ASB4: variants seen among roughly 807,000 people sequenced by gnomAD.
ASB4 encodes the protein ankyrin repeat and SOCS box containing 4.
In ASB4, 35 loss-of-function variants were observed where a neutral mutation model predicts 38.6. That is an observed-to-expected ratio of 0.91 (90% CI 0.69 to 1.20). The LOEUF (loss-of-function observed/expected upper bound fraction) is 1.20. ASB4 is among the 50% of genes most tolerant of loss of function. ASB4 has a pLI of 0.00. For missense variants in ASB4, 557 were observed against 527.2 expected, an observed-to-expected ratio of 1.06 and a Z score of -0.55; for synonymous variants, 195 against 201.3, an observed-to-expected ratio of 0.97 and a Z score of 0.26.
intron 1 of ASB4, among the ~76,000 whole-genome samples, chr7:95,490,670 A>C (rs1327720689): frequency 6.6e-6 from 1 of 152,246 alleles, no homozygotes; most frequent in Non-Finnish European, 1.5e-5. Context: ...AAATGTGTAC[A>C]TCCTCTCCAA....
chr7:95,492,347 G>T (rs1234126659), intron 1 of ASB4, among the ~76,000 whole-genome samples: 1 of 152,190 alleles, frequency 6.6e-6, no homozygotes, highest in Non-Finnish European at 1.5e-5. Flanking sequence ...TCAGAGATGT[G>T]AAATATTACA....
In ASB4 at chr7:95,536,560, C is replaced by T. The variant is rs764747771; in HGVS notation, c.1092+10C>T. On this transcript the variant is annotated intron_variant, in intron 4 of 4. Coordinates refer to ENST00000325885, the MANE Select transcript of ASB4 (RefSeq NM_016116.3). ...CGATGATGACTTGGAGGTAAATAAT[C>T]GATTCCCTTCTAATAGTTTTCACTA... The T allele has an allele frequency of 3.9e-6, 6 of 1,557,712 alleles. No individual in the cohort carries two copies. The highest frequency in any genetic ancestry group is 2.7e-5 in the African/African-American group (2 of 73,680).
At chr7:95,529,291 G>A (rs1230318810) in intron 3 of ASB4, among the ~76,000 whole-genome samples, 3 of 152,180 alleles carry the variant, frequency 2.0e-5, no homozygotes, top group Admixed American at 2.0e-4. Context: ...TTTCCCCCTT[G>A]CTCTAAAAAT....
At position 95,528,013 on chromosome 7, in the gene ASB4, G is replaced by A; in HGVS notation, c.688G>A (p.Glu230Lys). ...LRFKEQEYST[E>K]HHLVCRMLLD... Reference sequence around the variant, plus strand: ...CTTTAAGGAGCAGGAGTACAGCACGGAGCACCACCTGGTCTGCCGCATGCT... The same window carrying A: ...CTTTAAGGAGCAGGAGTACAGCACGAAGCACCACCTGGTCTGCCGCATGCT... Residue 230 changes from glutamate to lysine, a missense_variant, in exon 3 of 5, where the codon GAG (glutamate) becomes AAG (lysine). Coordinates refer to ENST00000325885, the MANE Select transcript of ASB4 (RefSeq NM_016116.3). The A allele has an allele frequency of 9.3e-6, 15 of 1,614,100 alleles. No individual in the cohort carries two copies. Among genetic ancestry groups the A allele is most frequent in the Non-Finnish European group, 1.3e-5 (15 of 1,180,042 alleles).
intron 2 of ASB4, among the ~76,000 whole-genome samples, chr7:95,509,196 T>G (rs2116612953): frequency 1.3e-5 from 2 of 152,256 alleles, no homozygotes; most frequent in Middle Eastern, 6.8e-3. Flanking sequence ...GGAAGGAGAT[T>G]AGGTGGTATA....
chr7:95,507,250 G>A (rs76995473), intron 2 of ASB4, among the ~76,000 whole-genome samples: 101 of 151,386 alleles, frequency 6.7e-4, no homozygotes, highest in African/African-American at 2.4e-3. Flanking sequence ...CAGATTCTCC[G>A]AAAAAAAATC....
intron 1 of ASB4, 112 bp from the exon 2 acceptor site, chr7:95,495,646 C>T (rs755599246): frequency 1.5e-4 from 160 of 1,092,410 alleles, no homozygotes; most frequent in Non-Finnish European, 2.0e-4. Context: ...CTCTCCACCC[C>T]ACTTTTATAA....
intron 2 of ASB4, among the ~76,000 whole-genome samples, chr7:95,501,309 T>A (rs1184959549): frequency 6.6e-6 from 1 of 152,206 alleles, no homozygotes; most frequent in Non-Finnish European, 1.5e-5. Context: ...GGGCCATGCC[T>A]TTTAAAAGAC....
chr7:95,498,868 C>T (rs1790290288), intron 2 of ASB4, among the ~76,000 whole-genome samples: 3 of 151,956 alleles, frequency 2.0e-5, no homozygotes, highest in South Asian at 4.2e-4. Flanking sequence ...TATATGGATG[C>T]CCAGTTGTTT....
upstream of ASB4, among the ~76,000 whole-genome samples, chr7:95,476,772 C>T (rs2116562182): frequency 6.6e-6 from 1 of 152,264 alleles, no homozygotes; most frequent in East Asian, 1.9e-4. Flanking sequence ...GACAGAGACT[C>T]ATAAGACAAC....
chr7:95,521,930 G>A (rs1790668901), intron 2 of ASB4, among the ~76,000 whole-genome samples: 1 of 151,980 alleles, frequency 6.6e-6, no homozygotes, highest in South Asian at 2.1e-4. Flanking sequence ...AAAAGGGCTA[G>A]GGTTTTCTGT....
At chr7:95,490,573 GC>G (rs1166764498) in intron 1 of ASB4, among the ~76,000 whole-genome samples, 1 of 152,208 alleles carries the variant, frequency 6.6e-6, no homozygotes, top group African/African-American at 2.4e-5. Flanking sequence ...AATAACAGAG[GC>G]TTCTCATGTG....
intron 3 of ASB4, among the ~76,000 whole-genome samples, chr7:95,534,403 C>T (rs1247445197): frequency 1.3e-5 from 2 of 151,902 alleles, no homozygotes; most frequent in African/African-American, 4.8e-5. Context: ...TTAGTATGTT[C>T]CTTATTTCTG....
chr7:95,486,169 A>G lies in ASB4; in HGVS notation c.187+11A>G, dbSNP rs763088336. 1.2e-6 allele frequency: 2 copies of G among 1,605,596 alleles called. No individual in the cohort carries two copies. Among genetic ancestry groups the G allele is most frequent in the Admixed American group, 3.4e-5 (2 of 59,566 alleles). ...CATCTTATAAACAAGGTAAAAACAT[A>G]TAGGTGTTATTGTAGAACTGTTAGA... On this transcript the variant is annotated intron_variant, in intron 1 of 4. Coordinates refer to ENST00000325885, the MANE Select transcript of ASB4 (RefSeq NM_016116.3).
chr7:95,500,019 A>G (rs1448879901), intron 2 of ASB4, among the ~76,000 whole-genome samples: 1 of 151,592 alleles, frequency 6.6e-6, no homozygotes, highest in Non-Finnish European at 1.5e-5. Flanking sequence ...GAGCATCCTC[A>G]TTTTTAAGAA....
chr7:95,489,675 A>G (rs1354464300), intron 1 of ASB4, among the ~76,000 whole-genome samples: 1 of 152,264 alleles, frequency 6.6e-6, no homozygotes, highest in African/African-American at 2.4e-5. Flanking sequence ...TGCGTTTACC[A>G]GATGATCACT....
At chr7:95,508,257 G>A (rs1038271419) in intron 2 of ASB4, among the ~76,000 whole-genome samples, 2 of 152,096 alleles carry the variant, frequency 1.3e-5, no homozygotes, top group Admixed American at 6.5e-5. Context: ...CTGTTCTATC[G>A]TAGCCAGAGG....
Position 95,539,381 on chromosome 7 carries a change from A to AAGG in ASB4, c.*1622_*1623insAGG, listed in dbSNP as rs907987021. On this transcript the variant is annotated 3_prime_UTR_variant, in exon 5 of 5. Transcript: ENST00000325885. ...TGTGTAAGAAAAGTCATAGGTGGAT[A>AAGG]CAATAATCTCTTTTAAGTATCAGTT... 3 of 152,246 alleles carry AAGG rather than the reference A, an allele frequency of 2.0e-5. No homozygotes were observed. The highest frequency in any genetic ancestry group is 4.4e-5 in the Non-Finnish European group (3 of 68,042). 9.4% of individuals were successfully genotyped at this position (152,246 alleles called of 1,614,324 possible).
downstream of ASB4, chr7:95,543,463 T>A (rs560955736): frequency 6.6e-6 from 1 of 152,354 alleles, no homozygotes; most frequent in South Asian, 2.1e-4. Flanking sequence ...AAAAACACTG[T>A]GACAAGTCCG....
Sources: gnomAD v4.1 joint callset for allele counts (sites outside exome capture counted in the v4.1 genomes callset) on GRCh38, gnomAD v4.1.1 for gene constraint, MANE v1.5 for transcripts, NCBI Gene and HGNC (gene_info 2026-07-23, HGNC 2026-07-21) for gene names.